CHD1L: variants seen among roughly 807,000 people sequenced by gnomAD.
The protein encoded by CHD1L is ATP-dependent chromatin remodeler CHD1L.
A neutral mutation model predicts 115.9 loss-of-function variants in CHD1L; 118 were observed. That is an observed-to-expected ratio of 1.02 (90% CI 0.88 to 1.19). The LOEUF (loss-of-function observed/expected upper bound fraction) is 1.19. CHD1L is among the 50% of genes most tolerant of loss of function. The pLI is 0.00. For synonymous variants in CHD1L, 411 were observed against 387.1 expected (o/e 1.06, Z -0.72); for missense variants, 1,179 against 1,065.3 (o/e 1.11, Z -1.49).
chr1:147,281,473 G>C (rs1377437116), intron 15 of CHD1L, among the ~76,000 whole-genome samples: 1 of 152,120 alleles, frequency 6.6e-6, no homozygotes, highest in Non-Finnish European at 1.5e-5. Context: ...TGTTGTCCTT[G>C]TTGATCTGTA....
At chr1:147,209,151 G>A in the CHD1L span, 2 of 955,974 alleles carry the variant, frequency 2.1e-6, no homozygotes, top group Middle Eastern at 3.1e-4. Context: ...CCGGCGCGGT[G>A]GCTCACGCCT....
the CHD1L span, among the ~76,000 whole-genome samples, chr1:147,233,115 C>T: frequency 5.3e-5 from 8 of 151,894 alleles, no homozygotes; most frequent in South Asian, 2.1e-4. Context: ...CCCGCCGCCC[C>T]ATCTGGGATG....
the CHD1L span, among the ~76,000 whole-genome samples, chr1:147,180,426 G>A: frequency 2.6e-5 from 4 of 152,022 alleles, no homozygotes; most frequent in African/African-American, 9.7e-5. Flanking sequence ...TGAGTAGCTG[G>A]GACCACAGGT....
At chr1:147,250,969 T>C (rs782344991) in intron 1 of CHD1L, among the ~76,000 whole-genome samples, 2 of 152,134 alleles carry the variant, frequency 1.3e-5, no homozygotes, top group Non-Finnish European at 2.9e-5. Flanking sequence ...GATCTGATGG[T>C]TTTATAAATG....
the CHD1L span, chr1:147,174,993 T>G: frequency 6.6e-6 from 1 of 152,170 alleles, no homozygotes; most frequent in Admixed American, 6.5e-5. Context: ...GAGACCTCGC[T>G]TCCTCTGAGA....
chr1:147,264,512 G>A lies in CHD1L; in HGVS notation c.667G>A (p.Asp223Asn). The A allele has an allele frequency of 6.2e-7, 1 of 1,614,100 alleles. No individual in the cohort carries two copies. Among genetic ancestry groups the A allele is most frequent in the East Asian group, 2.2e-5 (1 of 44,876 alleles). ...LYSLLSFVEP[D>N]LFSKEEVGDF... ...CTCCCTCCTCAGTTTTGTGGAGCCT[G>A]ATCTCTTTTCCAAGGAAGAGGTGGG... is the stretch of plus-strand genomic sequence containing the variant. Residue 223 changes from aspartate to asparagine, a missense_variant, in exon 7 of 23, where the codon GAT becomes AAT. By Grantham distance (23) the Asp-to-Asn change is conservative. Transcript: ENST00000369258.
At chr1:147,196,166 A>G in the CHD1L span, among the ~76,000 whole-genome samples, 1 of 152,146 alleles carries the variant, frequency 6.6e-6, no homozygotes, top group African/African-American at 2.4e-5. Flanking sequence ...TTCACTAAGC[A>G]TACTCTAATA....
At chr1:147,289,681 G>A (rs1163122217) in intron 19 of CHD1L, among the ~76,000 whole-genome samples, 2 of 152,188 alleles carry the variant, frequency 1.3e-5, no homozygotes, top group African/African-American at 2.4e-5. Flanking sequence ...AATTTGAATA[G>A]GTGGAGAGAA....
upstream of CHD1L, among the ~76,000 whole-genome samples, chr1:147,242,481 A>C (rs1264405775): frequency 6.6e-6 from 1 of 152,234 alleles, no homozygotes; most frequent in Non-Finnish European, 1.5e-5. Context: ...CAGAAGCACG[A>C]CTGGTGAGAA....
intron 22 of CHD1L, among the ~76,000 whole-genome samples, chr1:147,294,837 G>A (rs1686952347): frequency 6.6e-6 from 1 of 152,144 alleles, no homozygotes. Flanking sequence ...GATCCTTCAG[G>A]TCTGTGGAAC....
Position 147,256,108 on chromosome 1 carries a change from G to A in CHD1L, c.462+181G>A, listed in dbSNP as rs1932978. Among the ~76,000 whole-genome samples, 73,169 of 151,852 alleles carry A rather than the reference G, an allele frequency of 0.48. 18,261 individuals are homozygous for A. Among genetic ancestry groups the A allele is most frequent in the East Asian group, 0.69 (3,537 of 5,152 alleles). On this transcript the variant is annotated intron_variant, in intron 4 of 22. Coordinates refer to ENST00000369258, the MANE Select transcript of CHD1L (RefSeq NM_004284.6). ...AGAAGTGAAGGATCATTGTGCTTCA[G>A]ATTAGTTCGATCTTTTCCTTTCTTG...
chr1:147,253,778 G>A (rs961436283), intron 2 of CHD1L, among the ~76,000 whole-genome samples: 12 of 152,206 alleles, frequency 7.9e-5, no homozygotes, highest in Admixed American at 1.3e-4. Flanking sequence ...GATTACAGGC[G>A]TGAGCCACTG....
At chr1:147,199,389 A>G in the CHD1L span, among the ~76,000 whole-genome samples, 1 of 152,222 alleles carries the variant, frequency 6.6e-6, no homozygotes, top group Non-Finnish European at 1.5e-5. Context: ...GTAAAGTTAG[A>G]GAATTCTGAA....
chr1:147,213,261 G>A, the CHD1L span: 1 of 1,503,808 alleles, frequency 6.6e-7, no homozygotes, highest in South Asian at 1.3e-5. Flanking sequence ...TCAGGGGTCA[G>A]GTCACAGGCA....
Position 147,284,418 on chromosome 1 carries a change from A to G in CHD1L, c.1773A>G (p.Ser591=). 6.2e-7 allele frequency: 1 copy of G among 1,612,374 alleles called. No individual in the cohort carries two copies. Among genetic ancestry groups the G allele is most frequent in the Non-Finnish European group, 8.5e-7 (1 of 1,178,992 alleles). The change falls in exon 16 of 23, where the codon TCA becomes TCG. Residue 591 remains serine (S), a synonymous_variant. Transcript: ENST00000369258. ...AGCCCAGTAAGGAAGACAGAAAATC[A>G]TTTGAACAACTGGTAAACCTTCAGA... ...SKEPSKEDRK[S]FEQLVNLQKT... is the part of the protein sequence containing the mutation.
the CHD1L span, chr1:147,205,018 A>C: frequency 1.4e-6 from 1 of 740,480 alleles, no homozygotes; most frequent in Non-Finnish European, 2.4e-6. Flanking sequence ...ACCTGGAGAT[A>C]CATTCAGTCA....
chr1:147,268,705 T>A, intron 9 of CHD1L, 77 bp from the exon 10 acceptor site: 1 of 1,176,166 alleles, frequency 8.5e-7, no homozygotes, highest in Non-Finnish European at 1.3e-6. Context: ...GCTTTTGGCT[T>A]CTCTTCCTGT....
the CHD1L span, among the ~76,000 whole-genome samples, chr1:147,199,899 G>A: frequency 3.3e-5 from 5 of 152,144 alleles, no homozygotes; most frequent in Admixed American, 3.3e-4. Context: ...AATTCCAACA[G>A]GAACTCTGAG....
At chr1:147,184,759 T>G in the CHD1L span, 1 of 1,172,522 alleles carries the variant, frequency 8.5e-7, no homozygotes, top group Non-Finnish European at 1.1e-6. The surrounding 1 kb of genome is among the most constrained non-coding windows in gnomAD (Gnocchi z 4.4). Context: ...CTAGCCGAGA[T>G]AGTGTTTATC....
Sources: gnomAD v4.1 joint callset for allele counts (sites outside exome capture counted in the v4.1 genomes callset) on GRCh38, gnomAD v4.1.1 for gene constraint, Gnocchi (gnomAD v3.1) non-coding constraint, MANE v1.5 for transcripts, NCBI Gene and HGNC (gene_info 2026-07-23, HGNC 2026-07-21) for gene names.